The following CBLB variants were observed in gnomAD, a reference collection of about 807,000 sequenced individuals.
The protein encoded by CBLB is Cbl proto-oncogene B, also known as E3 ubiquitin-protein ligase CBL-B.
CBLB carries 31 observed loss-of-function variants against 104.9 expected under a neutral mutation model. That is an observed-to-expected ratio of 0.30 (90% CI 0.22 to 0.40). The LOEUF (loss-of-function observed/expected upper bound fraction) is 0.40. Among genes scored for constraint, CBLB ranks in the 10% least tolerant of loss-of-function variants. The pLI, the probability that CBLB is intolerant of heterozygous loss-of-function variation, is 1.00. For missense variants in CBLB, 1,062 were observed against 1,214.6 expected, an observed-to-expected ratio of 0.87 and a Z score of 1.87; for synonymous variants, 440 against 422.6, an observed-to-expected ratio of 1.04 and a Z score of -0.51.
intron 7 of CBLB, among the ~76,000 whole-genome samples, chr3:105,739,756 G>A (rs1449261559): frequency 1.3e-5 from 2 of 152,094 alleles, no homozygotes; most frequent in African/African-American, 2.4e-5. Flanking sequence ...AAGGGGTGGA[G>A]GGAGAAACAG....
chr3:105,864,321 A>T (rs1305035953), intron 2 of CBLB, among the ~76,000 whole-genome samples: 1 of 152,132 alleles, frequency 6.6e-6, no homozygotes, highest in Non-Finnish European at 1.5e-5. Flanking sequence ...AGTAACGAGC[A>T]CTCAGTGGAA....
chr3:105,771,469 T>C (rs534630756), intron 4 of CBLB, among the ~76,000 whole-genome samples: 2 of 152,182 alleles, frequency 1.3e-5, no homozygotes, highest in Non-Finnish European at 2.9e-5. Flanking sequence ...CTGAGAATTG[T>C]AACCAGATAA....
intron 3 of CBLB, among the ~76,000 whole-genome samples, chr3:105,846,018 AATT>A (rs1480616316): frequency 1.3e-5 from 2 of 152,104 alleles, no homozygotes; most frequent in African/African-American, 4.8e-5. Flanking sequence ...CCAAGATAAA[AATT>A]ATTATTTTGA....
chr3:105,722,526 T>G (rs2073030320), intron 9 of CBLB, among the ~76,000 whole-genome samples: 1 of 152,128 alleles, frequency 6.6e-6, no homozygotes, highest in Admixed American at 6.5e-5. Context: ...CTGGTAAATA[T>G]TTTAGTATCA....
chr3:105,844,842 T>C (rs778947804), intron 3 of CBLB, among the ~76,000 whole-genome samples: 5 of 152,160 alleles, frequency 3.3e-5, no homozygotes, highest in South Asian at 2.1e-4. Context: ...CTTGAGGCTA[T>C]AGGATTATCA....
In CBLB at chr3:105,745,943, T is replaced by C. The variant is rs995727082; in HGVS notation, c.819A>G (p.Leu273=). The C allele has an allele frequency of 2.0e-5, 32 of 1,612,100 alleles. No homozygotes were observed. Among genetic ancestry groups the C allele is most frequent in the Non-Finnish European group, 2.6e-5 (31 of 1,178,194 alleles). ...TTCCGGGTTTGGTGCTATATTTCTG[T>C]AGTCGTGCTTTAACTTCATCATATG... The part of the protein sequence containing the change: ...FLTYDEVKAR[L]QKYSTKPGSY... Residue 273 remains leucine, a synonymous_variant, in exon 6 of 19, where the codon CTA becomes CTG. Transcript: ENST00000394030.
intron 10 of CBLB, among the ~76,000 whole-genome samples, chr3:105,716,504 T>TAAG (rs1379252921): frequency 1.3e-5 from 2 of 152,172 alleles, no homozygotes; most frequent in African/African-American, 4.8e-5. Flanking sequence ...GAACATAACA[T>TAAG]CATAGCAATA....
chr3:105,741,092 A>AG (rs1439193866), intron 6 of CBLB, among the ~76,000 whole-genome samples: 1 of 105,370 alleles, frequency 9.5e-6, no homozygotes, highest in African/African-American at 3.5e-5. Flanking sequence ...CATAAAAATT[A>AG]GGGTTTTTTT....
intron 3 of CBLB, among the ~76,000 whole-genome samples, chr3:105,779,897 A>G (rs1012768193): frequency 2.6e-5 from 4 of 151,858 alleles, no homozygotes; most frequent in African/African-American, 4.8e-5. Flanking sequence ...CTTGTTGCCC[A>G]GAATGGAGTG....
chr3:105,853,450 C>T lies in CBLB; in HGVS notation c.383G>A (p.Gly128Asp), dbSNP rs768729900. The T allele has an allele frequency of 1.2e-6, 2 of 1,613,584 alleles. No homozygotes were observed. The highest frequency in any genetic ancestry group is 1.7e-5 in the Admixed American group (1 of 60,026). ...CTGTTCTTCATACATTCTCTCCTTG[C>T]CTTCTTTAAAGAGTCTTATTGCCCG... is the stretch of plus-strand genomic sequence containing the variant. The part of the protein sequence containing the change: ...SKRAIRLFKE[G>D]KERMYEEQSQ... The change falls in exon 3 of 19, where the codon GGC becomes GAC. Residue 128 changes from glycine to aspartate, a missense_variant. By Grantham distance (94) the Gly-to-Asp change is moderately conservative. This residue lies in a region of CBLB where 457 missense variants were observed against 632.0 expected (regional missense o/e 0.72). Transcript: ENST00000394030.
chr3:105,674,770 G>C (rs149759556), intron 17 of CBLB, among the ~76,000 whole-genome samples: 89 of 152,288 alleles, frequency 5.8e-4, no homozygotes, highest in East Asian at 4.8e-3. Flanking sequence ...GGGACTTCAG[G>C]TTTTGTTAAG....
chr3:105,760,910 C>T (rs1299800032), intron 4 of CBLB, among the ~76,000 whole-genome samples: 1 of 152,202 alleles, frequency 6.6e-6, no homozygotes, highest in Non-Finnish European at 1.5e-5. Flanking sequence ...AGAAAAACAA[C>T]TACTGCATTT....
rs575885778 is a variant in CBLB, at chr3:105,836,294, C to T, written c.419+17120G>A. Among the ~76,000 whole-genome samples, 12 of 152,320 alleles carry T rather than the reference C, an allele frequency of 7.9e-5. No homozygotes were observed. The South Asian group carries it at 2.1e-3, about 26-fold the overall frequency. On this transcript the variant is annotated intron_variant, in intron 3 of 18. Coordinates refer to ENST00000394030, the MANE Select transcript of CBLB (RefSeq NM_170662.5). ...CATCCTCTCTTTCTAACACGCTTAC[C>T]TGGATCAAAATAATTTAGCATAGTT... is the stretch of plus-strand genomic sequence containing the variant.
At chr3:105,811,351 G>C (rs932311004) in intron 3 of CBLB, among the ~76,000 whole-genome samples, 3 of 152,192 alleles carry the variant, frequency 2.0e-5, no homozygotes, top group Non-Finnish European at 4.4e-5. Flanking sequence ...CAGAATTCAT[G>C]GCTGTTGGGC....
chr3:105,836,550 T>A (rs186298119), intron 3 of CBLB, among the ~76,000 whole-genome samples: 45 of 152,270 alleles, frequency 3.0e-4, no homozygotes, highest in Non-Finnish European at 5.0e-4. Context: ...TCCAGAGTTA[T>A]AAGAAAAGAA....
At chr3:105,801,638 G>A (rs181866541) in intron 3 of CBLB, among the ~76,000 whole-genome samples, 1 of 152,184 alleles carries the variant, frequency 6.6e-6, no homozygotes, top group East Asian at 1.9e-4. Context: ...ACAGCTAGGG[G>A]ACTTCCTAAA....
At position 105,655,736 on chromosome 3, in the gene CBLB, ATACTG is replaced by A; in HGVS notation, c.*3229_*3233del. On this transcript the variant is annotated 3_prime_UTR_variant, in exon 19 of 19. Coordinates refer to ENST00000394030, the MANE Select transcript of CBLB (RefSeq NM_170662.5). Reference sequence around the variant, plus strand: ...CAGGTAGTACCTGAATTATTCAAGTATACTGTAATTTGCTTCCAAATCTGTTAGCT... The same window carrying A: ...CAGGTAGTACCTGAATTATTCAAGTATAATTTGCTTCCAAATCTGTTAGCT... 1 of 204,584 alleles carries A rather than the reference ATACTG, an allele frequency of 4.9e-6. No individual in the cohort carries two copies. The highest frequency in any genetic ancestry group is 1.0e-5 in the Non-Finnish European group (1 of 99,752). The allele number at this position is 204,584 out of a possible 1,614,324, so 12.7% of individuals were successfully genotyped here. A position where few individuals can be genotyped will look rare whatever the true frequency, so the allele number is the denominator to read the frequency against.
At chr3:105,665,408 AATAAATAAATATATATAT>A (rs1383237780) in intron 18 of CBLB, among the ~76,000 whole-genome samples, 1 of 51,564 alleles carries the variant, frequency 1.9e-5, no homozygotes, top group Non-Finnish European at 3.8e-5. Flanking sequence ...TAAATAAATA[AATAAATAAATATATATAT>A]ATATATATAT....
At chr3:105,762,178 C>T (rs191325269) in intron 4 of CBLB, 57 of 152,250 alleles carry the variant, frequency 3.7e-4, no homozygotes, top group Admixed American at 3.7e-3. Flanking sequence ...GGAATTGGAA[C>T]TTATGTTTCA....
Sources: allele counts gnomAD v4.1 joint callset (sites outside exome capture counted in the v4.1 genomes callset), GRCh38; gene constraint gnomAD v4.1.1; regional missense constraint gnomAD v4.1.1; transcripts MANE v1.5; gene names NCBI Gene and HGNC (gene_info 2026-07-23, HGNC 2026-07-21).